The following CLSTN1 variants were observed in gnomAD, a reference collection of about 807,000 sequenced individuals.
CLSTN1 encodes calsyntenin 1, also known as calsyntenin-1.
In CLSTN1, 28 loss-of-function variants were observed where a neutral mutation model predicts 108.3. The observed-to-expected ratio is 0.26, with a 90% CI of 0.19 to 0.35. CLSTN1 has a LOEUF of 0.35. CLSTN1 is among the 10% of genes least tolerant of loss of function. The pLI is 1.00. For synonymous variants in CLSTN1, 524 were observed against 534.9 expected, an observed-to-expected ratio of 0.98 and a Z score of 0.28; for missense variants, 1,157 against 1,302.6, an observed-to-expected ratio of 0.89 and a Z score of 1.72.
intron 1 of CLSTN1, among the ~76,000 whole-genome samples, chr1:9,792,258 G>T (rs533194517): frequency 6.6e-6 from 1 of 151,382 alleles, no homozygotes; most frequent in East Asian, 2.0e-4. Flanking sequence ...AGCAGCAAGT[G>T]TAACAGCAAT....
chr1:9,740,759 C>CT (rs1221622728), intron 10 of CLSTN1, among the ~76,000 whole-genome samples: 1 of 152,230 alleles, frequency 6.6e-6, no homozygotes, highest in Non-Finnish European at 1.5e-5. Context: ...GCTGTTGCCT[C>CT]TTTGTCCTTG....
At chr1:9,785,588 C>T (rs564624048) in intron 1 of CLSTN1, among the ~76,000 whole-genome samples, 14 of 152,182 alleles carry the variant, frequency 9.2e-5, no homozygotes, top group African/African-American at 3.1e-4. Context: ...ACTGGATGTC[C>T]GCGGCCTCCC....
chr1:9,820,593 T>A (rs1435991791), intron 1 of CLSTN1, among the ~76,000 whole-genome samples: 1 of 152,174 alleles, frequency 6.6e-6, no homozygotes, highest in Non-Finnish European at 1.5e-5. Flanking sequence ...ATAGCATTTA[T>A]CTGTAAAGTG....
intron 1 of CLSTN1, among the ~76,000 whole-genome samples, chr1:9,795,413 G>A (rs1219242033): frequency 5.3e-5 from 8 of 151,188 alleles, no homozygotes; most frequent in East Asian, 2.0e-4. Flanking sequence ...TGATCTGCCC[G>A]CCTCAGCCTC....
At chr1:9,752,180 T>C (rs186539262) in intron 4 of CLSTN1, among the ~76,000 whole-genome samples, 28 of 152,282 alleles carry the variant, frequency 1.8e-4, no homozygotes, top group East Asian at 7.7e-4. Context: ...TTCTAGGGAA[T>C]AGGCTGGAGT....
At chr1:9,733,094 G>A (rs1318273847) in intron 16 of CLSTN1, among the ~76,000 whole-genome samples, 1 of 152,156 alleles carries the variant, frequency 6.6e-6, no homozygotes, top group Non-Finnish European at 1.5e-5. Context: ...AAGCCCCAGA[G>A]GCATTAACTG....
At chr1:9,813,268 C>CG (rs1654839711) in intron 1 of CLSTN1, among the ~76,000 whole-genome samples, 1 of 151,934 alleles carries the variant, frequency 6.6e-6, no homozygotes, top group Non-Finnish European at 1.5e-5. Context: ...GAGGCTGAGG[C>CG]GGGTGAACTG....
chr1:9,736,082 C>G, intron 11 of CLSTN1, 40 bp from the exon 12 acceptor site: 15 of 1,612,302 alleles, frequency 9.3e-6, no homozygotes, highest in Non-Finnish European at 1.3e-5. Context: ...AGGCGTGCAA[C>G]CCAGCATCGC....
At chr1:9,787,798 G>C (rs1000413847) in intron 1 of CLSTN1, among the ~76,000 whole-genome samples, 2 of 151,300 alleles carry the variant, frequency 1.3e-5, no homozygotes, top group Admixed American at 1.3e-4. Context: ...ATAGCATTAA[G>C]TACATTCACA....
chr1:9,776,807 T>TTTATCTATC (rs1557710126), intron 1 of CLSTN1, among the ~76,000 whole-genome samples: 3 of 145,146 alleles, frequency 2.1e-5, no homozygotes, highest in African/African-American at 8.4e-5. Context: ...TCTATCTATC[T>TTTATCTATC]ATCTATCAGC....
At position 9,734,201 on chromosome 1, in the gene CLSTN1, G is replaced by A. The variant is rs1650562009; in HGVS notation, c.2111-59C>T. 6 of 1,558,548 alleles carry A rather than the reference G, an allele frequency of 3.8e-6. No individual in the cohort carries two copies. Among genetic ancestry groups the A allele is most frequent in the Non-Finnish European group, 5.3e-6 (6 of 1,138,458 alleles). On this transcript the variant is annotated intron_variant, in intron 14 of 18. Transcript: ENST00000377298. This position sits in a 1 kb window ranked among gnomAD's most constrained non-coding sequence, Gnocchi z 4.8. Reference sequence around the variant, plus strand: ...GGGGCAGTGGGGCCCAGCGTGGCGGGGCACACTGGATGCCCTGCCGGCTCA... The same window carrying A: ...GGGGCAGTGGGGCCCAGCGTGGCGGAGCACACTGGATGCCCTGCCGGCTCA...
Position 9,731,971 on chromosome 1 carries a change from A to G in CLSTN1, c.2428-75T>C. The G allele has an allele frequency of 3.8e-6, 6 of 1,586,324 alleles. No homozygotes were observed. The South Asian group carries it at 6.7e-5, about 18-fold the overall frequency. The stretch of plus-strand genomic sequence containing the variant: ...CCAAGAGGTGACAGTGGAGTCCCGC[A>G]GCTGGCATGACCAGTGCCACTCAGA... On this transcript the variant is annotated intron_variant, in intron 16 of 18. Coordinates refer to ENST00000377298, the MANE Select transcript of CLSTN1 (RefSeq NM_001009566.3).
chr1:9,793,629 A>C (rs1410142699), intron 1 of CLSTN1, among the ~76,000 whole-genome samples: 1 of 151,392 alleles, frequency 6.6e-6, no homozygotes, highest in Non-Finnish European at 1.5e-5. Context: ...TTCCTGGGCA[A>C]TTTCCACTTT....
chr1:9,737,281 C>T (rs1177265614), intron 11 of CLSTN1, among the ~76,000 whole-genome samples: 3 of 151,998 alleles, frequency 2.0e-5, no homozygotes, highest in Admixed American at 2.0e-4. Context: ...CCCATGCATG[C>T]ACTGCCTGAG....
intron 9 of CLSTN1, among the ~76,000 whole-genome samples, chr1:9,741,624 C>T (rs974737360): frequency 6.6e-6 from 1 of 152,136 alleles, no homozygotes; most frequent in African/African-American, 2.4e-5. Context: ...ATAAAAAGTG[C>T]CTTTAGGCCG....
chr1:9,804,409 AGATCCTGACTGCACATG>A (rs1000796627), intron 1 of CLSTN1, among the ~76,000 whole-genome samples: 2 of 151,290 alleles, frequency 1.3e-5, no homozygotes, highest in African/African-American at 4.9e-5. Context: ...ACAAGCACGC[AGATCCTGACTGCACATG>A]GGAATGGACA....
intron 7 of CLSTN1, among the ~76,000 whole-genome samples, chr1:9,748,079 A>G (rs552475730): frequency 2.1e-4 from 32 of 151,530 alleles, no homozygotes; most frequent in Non-Finnish European, 4.3e-4. Context: ...CCTAAATCTC[A>G]TGGTTGTTAT....
rs527900694 is a variant in CLSTN1, at chr1:9,755,223, G to C, written c.331C>G (p.Arg111Gly). The change falls in exon 4 of 19, where the codon CGC (arginine) becomes GGC (glycine). Residue 111 changes from arginine (R) to glycine (G), a missense_variant. Transcript: ENST00000377298. Reference sequence around the variant, plus strand: ...TCACAGTCCAGTTTCTCTTTGGAGCGAATGACTCCCTCACCAGTGGATTTA... The same window carrying C: ...TCACAGTCCAGTTTCTCTTTGGAGCCAATGACTCCCTCACCAGTGGATTTA... ...VDKSTGEGVI[R>G]SKEKLDCELQ... 1 of 1,614,038 alleles carries C rather than the reference G, an allele frequency of 6.2e-7. No individual in the cohort carries two copies. Among genetic ancestry groups the C allele is most frequent in the Non-Finnish European group, 8.5e-7 (1 of 1,179,966 alleles).
chr1:9,744,362 G>A, intron 8 of CLSTN1, 33 bp downstream of exon 8: 1 of 1,579,908 alleles, frequency 6.3e-7, no homozygotes, highest in Non-Finnish European at 8.6e-7. Flanking sequence ...TGGACACTGG[G>A]GCCTGGCATC....
Sources: gnomAD v4.1 joint callset for allele counts (sites outside exome capture counted in the v4.1 genomes callset) on GRCh38, gnomAD v4.1.1 for gene constraint, Gnocchi (gnomAD v3.1) non-coding constraint, MANE v1.5 for transcripts, NCBI Gene and HGNC (gene_info 2026-07-23, HGNC 2026-07-21) for gene names.